Variants in ALDH1A2 observed in about 807,000 individuals in gnomAD.
ALDH1A2 encodes aldehyde dehydrogenase 1 family member A2.
Under a neutral mutation model 60.3 loss-of-function variants are expected in ALDH1A2, and 27 were observed. The ratio of observed to expected loss-of-function variants is 0.45; its 90% confidence interval spans 0.33 to 0.62. The LOEUF is 0.62. ALDH1A2 is among the 20% of genes least tolerant of loss of function. The pLI is 0.02. For missense variants in ALDH1A2, 581 were observed against 643.8 expected (o/e 0.90, Z 1.06); for synonymous variants, 289 against 232.4 (o/e 1.24, Z -2.21).
At chr15:57,972,527 C>T (rs1894104715) in intron 7 of ALDH1A2, among the ~76,000 whole-genome samples, 1 of 152,166 alleles carries the variant, frequency 6.6e-6, no homozygotes, top group South Asian at 2.1e-4. Context: ...GGATCAACAC[C>T]TTAGGACCTG....
At chr15:58,001,530 C>A (rs1404484090) in intron 4 of ALDH1A2, among the ~76,000 whole-genome samples, 1 of 151,866 alleles carries the variant, frequency 6.6e-6, no homozygotes, top group Non-Finnish European at 1.5e-5. Context: ...CTAGGCAGAG[C>A]CAACTCGAAA....
intron 7 of ALDH1A2, among the ~76,000 whole-genome samples, chr15:57,982,522 C>A (rs1240763579): frequency 6.6e-6 from 1 of 152,072 alleles, no homozygotes; most frequent in Non-Finnish European, 1.5e-5. Context: ...TTAAGAGACT[C>A]TAAGTAAAGG....
intron 1 of ALDH1A2, chr15:58,058,058 T>C: frequency 6.5e-7 from 1 of 1,534,172 alleles, no homozygotes. Flanking sequence ...CTCACACTGA[T>C]TCTTCATCTT....
intron 4 of ALDH1A2, among the ~76,000 whole-genome samples, chr15:58,007,036 T>A (rs1213312707): frequency 6.6e-6 from 1 of 151,884 alleles, no homozygotes; most frequent in Non-Finnish European, 1.5e-5. Flanking sequence ...AGAAAATACA[T>A]GTGTCACACA....
rs1406239270 is a variant in ALDH1A2 at position 57,963,595 on chromosome 15, G to A, written c.1086+290C>T. Among the ~76,000 whole-genome samples, 4 of 151,820 alleles carry A rather than the reference G, an allele frequency of 2.6e-5. No homozygotes were observed. The South Asian group carries it at 6.2e-4, about 24-fold the overall frequency. Reference sequence around the variant, plus strand: ...CCTGACCTCATGATCCGCCCGCCTCGGCCTCCCTAAAAGCTGAGATTACAG... The same window carrying A: ...CCTGACCTCATGATCCGCCCGCCTCAGCCTCCCTAAAAGCTGAGATTACAG... On this transcript the variant is annotated intron_variant, in intron 9 of 12. Transcript: ENST00000249750.
At chr15:58,000,407 AG>A (rs1347882726) in intron 4 of ALDH1A2, among the ~76,000 whole-genome samples, 1 of 151,878 alleles carries the variant, frequency 6.6e-6, no homozygotes, top group African/African-American at 2.4e-5. Context: ...CTTCTAAATC[AG>A]GGTTACCGTA....
intron 7 of ALDH1A2, among the ~76,000 whole-genome samples, chr15:57,966,675 T>C (rs1456699330): frequency 2.0e-5 from 3 of 152,204 alleles, no homozygotes; most frequent in African/African-American, 7.2e-5. Flanking sequence ...GCAGGGTTTG[T>C]ATAAAGGTCC....
chr15:58,038,365 G>C (rs1028206922), intron 1 of ALDH1A2: 1 of 151,654 alleles, frequency 6.6e-6, no homozygotes, highest in Non-Finnish European at 1.5e-5. Flanking sequence ...GTCATCCCAA[G>C]AGACAGAGGC....
chr15:58,051,342 TA>T (rs1331486964), intron 1 of ALDH1A2, among the ~76,000 whole-genome samples: 1 of 148,866 alleles, frequency 6.7e-6, no homozygotes, highest in African/African-American at 2.4e-5. Context: ...TTGTACATCT[TA>T]AACTTAATTT....
chr15:57,965,955 T>G, intron 7 of ALDH1A2, 128 bp from the exon 8 acceptor site: 5 of 728,850 alleles, frequency 6.9e-6, no homozygotes, highest in Non-Finnish European at 4.9e-6. Flanking sequence ...AACCCAGCTC[T>G]TGTCATCAGC....
chr15:58,065,304 C>T, intron 1 of ALDH1A2: 1 of 564,868 alleles, frequency 1.8e-6, no homozygotes, highest in South Asian at 1.9e-5. Context: ...TGCCCCTCAA[C>T]GCTGCGCTTC....
chr15:58,061,451 A>G (rs1353638928), intron 1 of ALDH1A2, among the ~76,000 whole-genome samples: 1 of 151,952 alleles, frequency 6.6e-6, no homozygotes, highest in Non-Finnish European at 1.5e-5. Context: ...AAAATCTCAT[A>G]GAAAAATCAA....
At chr15:57,970,018 G>A (rs1478559651) in intron 7 of ALDH1A2, among the ~76,000 whole-genome samples, 5 of 152,216 alleles carry the variant, frequency 3.3e-5, no homozygotes, top group African/African-American at 1.2e-4. Context: ...CACAGGCCAA[G>A]CAACAAATCT....
At chr15:58,044,909 T>C (rs1324539674) in intron 1 of ALDH1A2, among the ~76,000 whole-genome samples, 1 of 151,940 alleles carries the variant, frequency 6.6e-6, no homozygotes, top group Non-Finnish European at 1.5e-5. Context: ...TGAGTCCTTT[T>C]TCATATGTTC....
chr15:58,042,072 C>T (rs1323420712), intron 1 of ALDH1A2, among the ~76,000 whole-genome samples: 2 of 151,938 alleles, frequency 1.3e-5, no homozygotes, highest in African/African-American at 4.8e-5. Flanking sequence ...CACAAACATT[C>T]AGACTGTAGA....
chr15:58,057,783 A>T (rs557723973), intron 1 of ALDH1A2, among the ~76,000 whole-genome samples: 2 of 152,140 alleles, frequency 1.3e-5, no homozygotes, highest in African/African-American at 4.8e-5. Context: ...CCACACCTAT[A>T]TATCTTTCTC....
At chr15:58,049,992 G>T (rs187575223) in intron 1 of ALDH1A2, among the ~76,000 whole-genome samples, 106 of 152,186 alleles carry the variant, frequency 7.0e-4, no homozygotes, top group African/African-American at 2.3e-3. Flanking sequence ...GCTAGTGGGT[G>T]TGAGTGTGGG....
chr15:57,981,515 A>G (rs145250918), intron 7 of ALDH1A2, among the ~76,000 whole-genome samples: 36 of 152,360 alleles, frequency 2.4e-4, no homozygotes, highest in Admixed American at 1.4e-3. Flanking sequence ...ATGCCAAGCA[A>G]TATGCTTGGA....
chr15:58,048,353 AAC>A (rs1193365180), intron 1 of ALDH1A2, among the ~76,000 whole-genome samples: 1 of 152,084 alleles, frequency 6.6e-6, no homozygotes, highest in Admixed American at 6.6e-5. Flanking sequence ...TTAGGACATT[AAC>A]AGTTAGGTAG....
Sources: gnomAD v4.1 joint callset for allele counts (sites outside exome capture counted in the v4.1 genomes callset) on GRCh38, gnomAD v4.1.1 for gene constraint, MANE v1.5 for transcripts, NCBI Gene and HGNC (gene_info 2026-07-23, HGNC 2026-07-21) for gene names.